Variants in DNAH14 observed in about 807,000 individuals in gnomAD.
DNAH14 encodes axonemal beta dynein heavy chain 14.
DNAH14 carries 478 observed loss-of-function variants against 520.9 expected under a neutral mutation model. The ratio of observed to expected loss-of-function variants is 0.92; its 90% CI spans 0.85 to 0.99. DNAH14 has a LOEUF of 0.99. DNAH14 is among the 50% of genes least tolerant of loss of function. DNAH14 has a pLI of 0.00. For synonymous variants in DNAH14, 1,581 were observed against 1,757.2 expected, an observed-to-expected ratio of 0.90 and a Z score of 2.51; for missense variants, 4,831 against 5,234.5, an observed-to-expected ratio of 0.92 and a Z score of 2.38.
At chr1:224,970,191 T>A (rs2061421869) in intron 7 of DNAH14, among the ~76,000 whole-genome samples, 1 of 152,196 alleles carries the variant, frequency 6.6e-6, no homozygotes, top group Non-Finnish European at 1.5e-5. Context: ...GGGGGGCGGC[T>A]GTATTTTATG....
At chr1:225,320,469 T>A (rs1308359583) in intron 61 of DNAH14, among the ~76,000 whole-genome samples, 1 of 152,242 alleles carries the variant, frequency 6.6e-6, no homozygotes, top group Non-Finnish European at 1.5e-5. Context: ...TGTTTGTTTT[T>A]AAAGATCCTC....
chr1:225,074,961 T>A (rs964942080), intron 17 of DNAH14, among the ~76,000 whole-genome samples: 6 of 152,194 alleles, frequency 3.9e-5, no homozygotes, highest in African/African-American at 1.4e-4. Context: ...GCTTCTTTCC[T>A]AGGGGTATAT....
chr1:225,085,807 G>T lies in DNAH14; in HGVS notation c.3573+18G>T. The T allele has an allele frequency of 6.7e-7, 1 of 1,489,506 alleles. No homozygotes were observed. Among genetic ancestry groups the T allele is most frequent in the South Asian group, 1.4e-5 (1 of 73,576 alleles). The allele number at this position is 1,489,506 out of a possible 1,614,324, so 92.3% of individuals were successfully genotyped here. The stretch of plus-strand genomic sequence containing the variant: ...CCATTAAGGTAAGTATTATGGCAAA[G>T]GAAAAATGTTTTCTTTTTCTGTAGT... On this transcript the variant is annotated intron_variant, in intron 21 of 85. Transcript: ENST00000682510.
intron 42 of DNAH14, 43 bp downstream of exon 42, chr1:225,231,194 G>C: frequency 7.3e-7 from 1 of 1,364,634 alleles, no homozygotes; most frequent in South Asian, 1.4e-5. Context: ...ATAACCATTA[G>C]GTGCCAGACC....
intron 23 of DNAH14, among the ~76,000 whole-genome samples, chr1:225,106,515 C>T (rs1167314069): frequency 6.6e-6 from 1 of 152,218 alleles, no homozygotes; most frequent in African/African-American, 2.4e-5. Context: ...CTTTCAGGTA[C>T]ACCAATCAGA....
In DNAH14 at chr1:225,265,259, T is replaced by C; in HGVS notation, c.7300T>C (p.Ser2434Pro). 1 of 1,540,946 alleles carries C rather than the reference T, an allele frequency of 6.5e-7. No individual in the cohort carries two copies. The highest frequency in any genetic ancestry group is 8.7e-7 in the Non-Finnish European group (1 of 1,142,972). The change falls in exon 48 of 86, where the codon TCT (serine) becomes CCT (proline). Residue 2434 changes from serine (S) to proline (P), a missense_variant. Transcript: ENST00000682510. ...KNNDHKGVVV[S>P]TINFSTNVTA... Reference sequence around the variant, plus strand: ...TAATGATCATAAAGGAGTTGTAGTCTCTACAATAAATTTTAGCACCAATGT... The same window carrying C: ...TAATGATCATAAAGGAGTTGTAGTCCCTACAATAAATTTTAGCACCAATGT...
intron 3 of DNAH14, 65 bp downstream of exon 3, chr1:224,955,163 A>G: frequency 1.3e-6 from 2 of 1,510,150 alleles, no homozygotes; most frequent in Middle Eastern, 1.9e-4. Flanking sequence ...ATTGAAAGAA[A>G]TTTTTCATAG....
At chr1:225,267,477 T>C (rs2093161474) in intron 49 of DNAH14, among the ~76,000 whole-genome samples, 1 of 152,022 alleles carries the variant, frequency 6.6e-6, no homozygotes, top group Non-Finnish European at 1.5e-5. Context: ...GTATTTTTAG[T>C]AGAAACAGGG....
chr1:225,364,357 T>G (rs1015395438), intron 75 of DNAH14, among the ~76,000 whole-genome samples: 1 of 152,226 alleles, frequency 6.6e-6, no homozygotes, highest in Non-Finnish European at 1.5e-5. Flanking sequence ...TATTTAATGA[T>G]GTTCTCCTAT....
intron 54 of DNAH14, among the ~76,000 whole-genome samples, chr1:225,286,734 T>C (rs2093753886): frequency 6.6e-6 from 1 of 152,200 alleles, no homozygotes; most frequent in Non-Finnish European, 1.5e-5. Context: ...CACATTTACC[T>C]AACTGATGTG....
At chr1:225,221,379 A>G (rs2090038797) in intron 41 of DNAH14, among the ~76,000 whole-genome samples, 1 of 152,222 alleles carries the variant, frequency 6.6e-6, no homozygotes, top group Non-Finnish European at 1.5e-5. Flanking sequence ...CAACCTACAG[A>G]TTGGGAGAAA....
intron 15 of DNAH14, among the ~76,000 whole-genome samples, chr1:225,049,381 G>T (rs1043431357): frequency 6.0e-5 from 9 of 151,008 alleles, no homozygotes. Flanking sequence ...TTTAATTGGG[G>T]TTTTTGTTTT....
chr1:225,318,406 A>C (rs2150179114), intron 60 of DNAH14, among the ~76,000 whole-genome samples, 177 bp from the exon 61 acceptor site: 1 of 152,352 alleles, frequency 6.6e-6, no homozygotes, highest in Middle Eastern at 3.4e-3. Context: ...TTTTAGGACT[A>C]TGATACACCT....
intron 1 of DNAH14, among the ~76,000 whole-genome samples, chr1:224,937,698 C>A (rs2501073): frequency 0.15 from 22,956 of 151,908 alleles, 3,199 homozygotes; most frequent in African/African-American, 0.36. Flanking sequence ...AGAAAAAACA[C>A]TTCTAAAATT....
intron 54 of DNAH14, among the ~76,000 whole-genome samples, chr1:225,286,855 C>T (rs1604780): frequency 0.26 from 39,532 of 151,986 alleles, 5,731 homozygotes; most frequent in Non-Finnish European, 0.32. Flanking sequence ...AATGAATAAA[C>T]ACACTGTAGT....
In DNAH14 at chr1:225,335,117, A is replaced by G. The variant is rs142242917; in HGVS notation, c.10080+1611A>G. Among the ~76,000 whole-genome samples the G allele has an allele frequency of 8.0e-3, 1,175 of 147,490 alleles. 9 individuals are homozygous for G. The highest frequency in any genetic ancestry group is 0.037 in the South Asian group (173 of 4,728). ...TACATATATGTATATATACATATAT[A>G]CATGTGTACATATGTGCATGTGCAC... On this transcript the variant is annotated intron_variant, in intron 66 of 85. Coordinates refer to ENST00000682510, the MANE Select transcript of DNAH14 (RefSeq NM_001367479.1).
At chr1:225,219,050 G>A (rs12091019) in intron 41 of DNAH14, among the ~76,000 whole-genome samples, 3,367 of 152,222 alleles carry the variant, frequency 0.022, 101 homozygotes, top group African/African-American at 0.065. Flanking sequence ...GCTTCTGAAC[G>A]ACTACTGGGT....
At chr1:224,979,647 A>G (rs1273624600) in intron 8 of DNAH14, among the ~76,000 whole-genome samples, 2 of 152,200 alleles carry the variant, frequency 1.3e-5, no homozygotes, top group East Asian at 1.9e-4. Context: ...CTAGTGAGAC[A>G]TCAGCTGGAA....
chr1:225,163,478 G>T (rs2081737640), intron 35 of DNAH14, among the ~76,000 whole-genome samples: 2 of 152,152 alleles, frequency 1.3e-5, no homozygotes, highest in Admixed American at 1.3e-4. Context: ...AATTTAGTGT[G>T]ATACTAGCTG....
Sources: allele counts gnomAD v4.1 joint callset (sites outside exome capture counted in the v4.1 genomes callset), GRCh38; gene constraint gnomAD v4.1.1; transcripts MANE v1.5; gene names NCBI Gene and HGNC (gene_info 2026-07-23, HGNC 2026-07-21).